The following FKBP15 variants were observed in gnomAD, a reference collection of about 807,000 sequenced individuals.
FKBP15 encodes FKBP prolyl isomerase family member 15.
Under a neutral mutation model 158.1 loss-of-function variants are expected in FKBP15, and 106 were observed. That is an observed-to-expected ratio of 0.67 (90% CI 0.57 to 0.79). FKBP15 has a LOEUF of 0.79. FKBP15 is among the 30% of genes least tolerant of loss of function. The pLI is 0.00. For synonymous variants in FKBP15, 547 were observed against 548.6 expected, an observed-to-expected ratio of 1.00 and a Z score of 0.04; for missense variants, 1,287 against 1,479.1, an observed-to-expected ratio of 0.87 and a Z score of 2.13.
intron 12 of FKBP15, among the ~76,000 whole-genome samples, chr9:113,190,243 T>C (rs1474020967): frequency 1.3e-5 from 2 of 152,222 alleles, no homozygotes; most frequent in Non-Finnish European, 2.9e-5. Context: ...AATTAACTAC[T>C]GAAAACTGCC....
chr9:113,176,396 G>T, intron 21 of FKBP15, 141 bp downstream of exon 21: 1 of 901,898 alleles, frequency 1.1e-6, no homozygotes, highest in Non-Finnish European at 1.6e-6. Flanking sequence ...AGATTAGAGC[G>T]GGGAAAATTT....
intron 1 of FKBP15, among the ~76,000 whole-genome samples, chr9:113,215,603 T>C (rs1321009795): frequency 2.8e-5 from 3 of 107,446 alleles, no homozygotes; most frequent in Admixed American, 2.7e-4. Context: ...TATATATGTG[T>C]GCGTGTGTGT....
chr9:113,184,629 T>C lies in FKBP15; in HGVS notation c.1608+66A>G. 1.6e-6 allele frequency: 2 copies of C among 1,288,444 alleles called. No homozygotes were observed. Among genetic ancestry groups the C allele is most frequent in the Non-Finnish European group, 2.2e-6 (2 of 905,310 alleles). 79.8% of individuals were successfully genotyped at this position (1,288,444 alleles called of 1,614,324 possible). The stretch of plus-strand genomic sequence containing the variant: ...GCAGGAAATCAAAGAAGAGTTTACC[T>C]ACAGTTCTGGCTGCTCCCTGTTTAC... On this transcript the variant is annotated intron_variant, in intron 16 of 27. Coordinates refer to ENST00000238256, the MANE Select transcript of FKBP15 (RefSeq NM_015258.2). This position sits in a 1 kb window ranked among gnomAD's most constrained non-coding sequence, Gnocchi z 4.5.
At chr9:113,174,383 T>C in intron 22 of FKBP15, 45 bp downstream of exon 22, 2 of 1,600,548 alleles carry the variant, frequency 1.2e-6, no homozygotes, top group Non-Finnish European at 1.7e-6. Context: ...CTCTGAGTCC[T>C]TCACACCTTC....
rs757491204 is a variant in FKBP15 at position 113,186,387 on chromosome 9, T to C, written c.1384-24A>G. On this transcript the variant is annotated intron_variant, in intron 14 of 27. Coordinates refer to ENST00000238256, the MANE Select transcript of FKBP15 (RefSeq NM_015258.2). ...GGCTGAGAAACTGACGAGTTACCAC[T>C]GGTTGATAAAACATTCATGTCTTTC... 3 of 1,447,296 alleles carry C rather than the reference T, an allele frequency of 2.1e-6. No individual in the cohort carries two copies. In the East Asian group the frequency reaches 7.4e-5, roughly 36 times the overall value. The allele number at this position is 1,447,296 out of a possible 1,614,324, so 89.7% of individuals were successfully genotyped here.
intron 12 of FKBP15, 21 bp from the exon 13 acceptor site, chr9:113,188,512 TG>T (rs1564166983): frequency 6.3e-7 from 1 of 1,599,306 alleles, no homozygotes; most frequent in South Asian, 1.1e-5. Flanking sequence ...AACAAGCGTT[TG>T]GGTTACTCTG....
chr9:113,177,764 C>A (rs1295135472), intron 20 of FKBP15, among the ~76,000 whole-genome samples: 1 of 152,212 alleles, frequency 6.6e-6, no homozygotes, highest in Non-Finnish European at 1.5e-5. Flanking sequence ...GCTCCAGCTA[C>A]CCCCTGCCCA....
At chr9:113,166,966 A>C (rs1219897614) in intron 27 of FKBP15, among the ~76,000 whole-genome samples, 2 of 152,210 alleles carry the variant, frequency 1.3e-5, no homozygotes, top group African/African-American at 4.8e-5. Context: ...ACCAGAATCC[A>C]TCTTCACAGG....
intron 4 of FKBP15, 131 bp from the exon 5 acceptor site, chr9:113,203,166 T>G: frequency 1.6e-6 from 1 of 634,788 alleles, no homozygotes; most frequent in South Asian, 2.0e-5. Flanking sequence ...TCAAAATCTA[T>G]TCATCCTTTA....
chr9:113,202,441 A>C, intron 6 of FKBP15, 90 bp downstream of exon 6: 1 of 949,606 alleles, frequency 1.1e-6, no homozygotes, highest in Non-Finnish European at 1.6e-6. Context: ...AAAACACAGC[A>C]GATTATGGGT....
chr9:113,207,347 A>ATTTTTTT, intron 2 of FKBP15, 51 bp from the exon 3 acceptor site: 2 of 1,407,314 alleles, frequency 1.4e-6, no homozygotes, highest in Non-Finnish European at 2.0e-6. Context: ...GCTTTAAACT[A>ATTTTTTT]ATTTTTTTTA....
rs1385726197 is a variant in FKBP15, at chr9:113,173,537, G to A, written c.2448C>T (p.Ala816=). The part of the protein sequence containing the change: ...EAKCEHLLAS[A]KDEHLQQYQE... ...GGTACTGCTGCAGGTGCTCATCCTTGGCGGAGGCCAACAAATGTTCACATT... is the reference window on the plus strand; with the variant it reads ...GGTACTGCTGCAGGTGCTCATCCTTAGCGGAGGCCAACAAATGTTCACATT... Residue 816 remains alanine, a synonymous_variant, in exon 23 of 28, where the codon GCC becomes GCT. Transcript: ENST00000238256. 6.2e-7 allele frequency: 1 copy of A among 1,613,950 alleles called. No individual in the cohort carries two copies. The highest frequency in any genetic ancestry group is 8.5e-7 in the Non-Finnish European group (1 of 1,179,886).
At chr9:113,218,937 A>G (rs949154519) in intron 1 of FKBP15, among the ~76,000 whole-genome samples, 27 of 152,180 alleles carry the variant, frequency 1.8e-4, no homozygotes, top group African/African-American at 5.8e-4. Context: ...GCCTACACAT[A>G]CCTTTATAAT....
rs760552921 is a variant in FKBP15 at position 113,169,403 on chromosome 9, G to A, written c.3306C>T (p.Pro1102=). The change falls in exon 26 of 28, where the codon CCC becomes CCT. Residue 1102 remains proline (P), a synonymous_variant. Coordinates refer to ENST00000238256, the MANE Select transcript of FKBP15 (RefSeq NM_015258.2). ...SSTRLSLTSD[P]EEGDPLALGP... ...CTAAGGCCAGTGGGTCCCCCTCCTC[G>A]GGGTCTGAAGTCAGGGACAGTCTTG... 1.8e-5 allele frequency: 29 copies of A among 1,613,874 alleles called. No homozygotes were observed. Among genetic ancestry groups the A allele is most frequent in the African/African-American group, 2.7e-5 (2 of 74,920 alleles).
chr9:113,200,166 C>T lies in FKBP15; in HGVS notation c.499-203G>A, dbSNP rs1436704697. On this transcript the variant is annotated intron_variant, in intron 6 of 27. Coordinates refer to ENST00000238256, the MANE Select transcript of FKBP15 (RefSeq NM_015258.2). ...GCTTTGCAGTCAGAATGTCTGGGTA[C>T]AGATCCAGGCACTGCCACTTATTAA... 2.0e-5 allele frequency among the ~76,000 whole-genome samples: 3 copies of T among 152,308 alleles called. No homozygotes were observed. The East Asian group carries it at 5.8e-4, about 29-fold the overall frequency.
rs1318463331 is a variant in FKBP15 at position 113,190,493 on chromosome 9, T to C, written c.1151A>G (p.Asp384Gly). ...TACTTCGATTTCTGAATCATTGGAA[T>C]CCAGCTGTGGTGGAAGGATGGGCAG... Reference protein sequence around the residue: ...PMLPILPPQLDSNDSEIEDVN... With the variant: ...PMLPILPPQLGSNDSEIEDVN... The change falls in exon 12 of 28, where the codon GAT (aspartate) becomes GGT (glycine). Residue 384 changes from aspartate (D) to glycine (G), a missense_variant. Coordinates refer to ENST00000238256, the MANE Select transcript of FKBP15 (RefSeq NM_015258.2). 4 of 1,611,510 alleles carry C rather than the reference T, an allele frequency of 2.5e-6. No individual in the cohort carries two copies. The highest frequency in any genetic ancestry group is 1.1e-5 in the South Asian group (1 of 90,360).
At position 113,176,521 on chromosome 9, in the gene FKBP15, G is replaced by A. The variant is rs370352395; in HGVS notation, c.2223+16C>T. 2 of 1,551,420 alleles carry A rather than the reference G, an allele frequency of 1.3e-6. No homozygotes were observed. The highest frequency in any genetic ancestry group is 3.9e-5 in the Admixed American group (2 of 50,892). On this transcript the variant is annotated intron_variant, in intron 21 of 27. Coordinates refer to ENST00000238256, the MANE Select transcript of FKBP15 (RefSeq NM_015258.2). ...ATTAAACAGCTAATTCTGGCCAACT[G>A]GGTTGTAGAGCTTACCTTTTCCAAG...
At chr9:113,206,831 C>G in intron 3 of FKBP15, 3 of 474,896 alleles carry the variant, frequency 6.3e-6, no homozygotes, top group Non-Finnish European at 1.1e-5. Context: ...ATTCTTCTGC[C>G]TCGGCCTCCC....
chr9:113,183,710 C>A, intron 18 of FKBP15, 41 bp downstream of exon 18: 1 of 1,352,762 alleles, frequency 7.4e-7, no homozygotes, highest in Non-Finnish European at 1.1e-6. Context: ...ACATAATAAA[C>A]CCTTTTGTCC....
Sources: allele counts gnomAD v4.1 joint callset (sites outside exome capture counted in the v4.1 genomes callset), GRCh38; gene constraint gnomAD v4.1.1; non-coding constraint Gnocchi (gnomAD v3.1); transcripts MANE v1.5; gene names NCBI Gene and HGNC (gene_info 2026-07-23, HGNC 2026-07-21).